Variants in OTUD7A observed in about 807,000 individuals in gnomAD.
OTUD7A encodes OTU domain-containing protein 7A.
In OTUD7A, 12 loss-of-function variants were observed where a neutral mutation model predicts 65.7. That is an observed-to-expected ratio of 0.18 (90% CI 0.12 to 0.30). The LOEUF is 0.30. Among genes scored for constraint, OTUD7A ranks in the 10% least tolerant of loss-of-function variants. The pLI, the probability that OTUD7A is intolerant of heterozygous loss-of-function variation, is 1.00. For missense variants in OTUD7A, 1,148 were observed against 1,304.8 expected (o/e 0.88, Z 1.85); for synonymous variants, 641 against 586.3 (o/e 1.09, Z -1.35).
At chr15:31,729,598 G>A (rs1437212946) in intron 1 of OTUD7A, among the ~76,000 whole-genome samples, 1 of 152,064 alleles carries the variant, frequency 6.6e-6, no homozygotes, top group East Asian at 1.9e-4. Context: ...GTGGTACCTG[G>A]GAAATAATAT....
chr15:31,577,832 A>AAC (rs1889251362), intron 3 of OTUD7A, among the ~76,000 whole-genome samples: 1 of 151,638 alleles, frequency 6.6e-6, no homozygotes. Flanking sequence ...AAAAAAAAAA[A>AAC]AACAACACAG....
chr15:31,513,776 C>T (rs2041798891), intron 8 of OTUD7A, among the ~76,000 whole-genome samples: 1 of 152,134 alleles, frequency 6.6e-6, no homozygotes, highest in African/African-American at 2.4e-5. Context: ...AGGCCTTGCC[C>T]CTGCAGACTA....
chr15:31,786,050 T>C (rs533002285), intron 1 of OTUD7A, among the ~76,000 whole-genome samples: 40 of 152,124 alleles, frequency 2.6e-4, no homozygotes, highest in Non-Finnish European at 5.1e-4. Context: ...CATAGCTTTA[T>C]AAGAAGAGGA....
chr15:31,536,282 A>G (rs1887800084), intron 5 of OTUD7A, among the ~76,000 whole-genome samples: 1 of 152,238 alleles, frequency 6.6e-6, no homozygotes, highest in South Asian at 2.1e-4. Context: ...GGTGACACAA[A>G]TGTCATCTTA....
At chr15:31,506,211 A>C (rs980258951) in intron 8 of OTUD7A, among the ~76,000 whole-genome samples, 3 of 149,648 alleles carry the variant, frequency 2.0e-5, no homozygotes, top group Non-Finnish European at 3.0e-5. Context: ...AGTTTTAATT[A>C]TGACTTTTTT....
chr15:31,673,683 C>A (rs757789184), intron 1 of OTUD7A, among the ~76,000 whole-genome samples: 129 of 152,206 alleles, frequency 8.5e-4, no homozygotes, highest in Non-Finnish European at 1.5e-3. Flanking sequence ...CCTTACAAAT[C>A]AGGTTGCTAC....
intron 3 of OTUD7A, among the ~76,000 whole-genome samples, chr15:31,652,009 A>G (rs1891854483): frequency 6.6e-6 from 1 of 151,932 alleles, no homozygotes; most frequent in Non-Finnish European, 1.5e-5. Context: ...GCAAAAAAAA[A>G]AAAAAAAAGA....
intron 1 of OTUD7A, among the ~76,000 whole-genome samples, chr15:31,756,414 G>A (rs1013516061): frequency 1.3e-5 from 2 of 152,174 alleles, no homozygotes; most frequent in East Asian, 3.9e-4. Context: ...CCCTGGAAAT[G>A]TCTATAAGAC....
intron 1 of OTUD7A, among the ~76,000 whole-genome samples, chr15:31,812,446 G>A (rs1237058718): frequency 1.3e-5 from 2 of 152,190 alleles, no homozygotes; most frequent in Non-Finnish European, 2.9e-5. Context: ...TGCTGGAGGA[G>A]AGAAGAAAGA....
chr15:31,772,717 C>T (rs1423725414), intron 1 of OTUD7A, among the ~76,000 whole-genome samples: 1 of 152,180 alleles, frequency 6.6e-6, no homozygotes, highest in Non-Finnish European at 1.5e-5. Flanking sequence ...TAAAAACAAA[C>T]TCTTAAAAAG....
At chr15:31,726,378 T>C (rs537393070) in intron 1 of OTUD7A, among the ~76,000 whole-genome samples, 12 of 150,954 alleles carry the variant, frequency 7.9e-5, no homozygotes, top group East Asian at 1.9e-4. Context: ...CTTTGTGAAA[T>C]AGTGTTTGCA....
chr15:31,694,888 C>T (rs904882727), intron 1 of OTUD7A, among the ~76,000 whole-genome samples: 1 of 151,912 alleles, frequency 6.6e-6, no homozygotes, highest in African/African-American at 2.4e-5. Flanking sequence ...CTCTGTCGCC[C>T]AGGTTGGAGT....
chr15:31,483,855 G>C lies in OTUD7A; in HGVS notation c.2241C>G (p.Gly747=). The C allele has an allele frequency of 1.0e-6, 1 of 980,858 alleles. No individual in the cohort carries two copies. The highest frequency in any genetic ancestry group is 1.2e-6 in the Non-Finnish European group (1 of 828,034). 60.8% of individuals were successfully genotyped at this position (980,858 alleles called of 1,614,324 possible). A position where few individuals can be genotyped will look rare whatever the true frequency, so the allele number is the denominator to read the frequency against. Residue 747 remains glycine (G), a synonymous_variant, in exon 13 of 13, where the codon GGC becomes GGG. Coordinates refer to ENST00000307050, the MANE Select transcript of OTUD7A (RefSeq NM_001382637.1). ...AAGRAARAAA[G]GTASPGGGAR... is the part of the protein sequence containing the mutation. ...CGCCTCCCCCCGGGGAGGCCGTGCC[G>C]CCCGCCGCCGCCCGCGCCGCACGCC... is the stretch of plus-strand genomic sequence containing the variant.
intron 1 of OTUD7A, among the ~76,000 whole-genome samples, chr15:31,667,260 C>T (rs1197922010): frequency 6.6e-6 from 1 of 151,976 alleles, no homozygotes; most frequent in East Asian, 1.9e-4. Flanking sequence ...TGCTGTCTAT[C>T]TCATTTCTTA....
chr15:31,710,418 G>A (rs1194642232), intron 1 of OTUD7A, among the ~76,000 whole-genome samples: 1 of 150,702 alleles, frequency 6.6e-6, no homozygotes, highest in Non-Finnish European at 1.5e-5. Flanking sequence ...ACCCACCACT[G>A]GGCCACCAGG....
rs570657434 is a variant in OTUD7A, at chr15:31,476,637, C to G, written c.*6657G>C. 12 of 152,290 alleles carry G rather than the reference C, an allele frequency of 7.9e-5. No individual in the cohort carries two copies. Among genetic ancestry groups the G allele is most frequent in the Non-Finnish European group, 1.8e-4 (12 of 68,070 alleles). 9.4% of individuals were successfully genotyped at this position (152,290 alleles called of 1,614,324 possible). ...CATGTGTGGGCCCACTCACTGCTGG[C>G]TGGACAGCTGCAGAGAGGGCATCAC... On this transcript the variant is annotated 3_prime_UTR_variant, in exon 13 of 13. Transcript: ENST00000307050.
At chr15:31,516,561 G>A (rs76286602) in intron 8 of OTUD7A, among the ~76,000 whole-genome samples, 7,286 of 152,246 alleles carry the variant, frequency 0.048, 216 homozygotes, top group Middle Eastern at 0.11. Flanking sequence ...GGTGTAGAGG[G>A]TGTAACAGAA....
chr15:31,825,852 A>T (rs1487507175), intron 1 of OTUD7A, among the ~76,000 whole-genome samples: 3 of 152,248 alleles, frequency 2.0e-5, no homozygotes, highest in Non-Finnish European at 4.4e-5. Context: ...GCCCCATGCG[A>T]GTCCAAAATC....
At chr15:31,621,495 T>A (rs1279280660) in intron 3 of OTUD7A, among the ~76,000 whole-genome samples, 1 of 152,240 alleles carries the variant, frequency 6.6e-6, no homozygotes, top group South Asian at 2.1e-4. Context: ...CTTTTCTTGC[T>A]GAATTGATCC....
Sources: gnomAD v4.1 joint callset for allele counts (sites outside exome capture counted in the v4.1 genomes callset) on GRCh38, gnomAD v4.1.1 for gene constraint, MANE v1.5 for transcripts, NCBI Gene and HGNC (gene_info 2026-07-23, HGNC 2026-07-21) for gene names.